Variants in RLF observed in about 807,000 individuals in gnomAD.
RLF encodes the protein RLF zinc finger, also known as zinc finger protein Rlf.
A neutral mutation model predicts 162.9 loss-of-function variants in RLF; 7 were observed. That is an observed-to-expected ratio of 0.04 (90% CI 0.02 to 0.08). RLF has a LOEUF of 0.08. Ranked by LOEUF, RLF falls within the 10% of genes least tolerant of loss-of-function variation. The probability of loss-of-function intolerance (pLI) is 1.00; values close to 1 mark genes in which losing one functional copy is unlikely to be tolerated. For synonymous variants in RLF, 782 were observed against 791.5 expected, an observed-to-expected ratio of 0.99 and a Z score of 0.20; for missense variants, 1,664 against 2,244.7, an observed-to-expected ratio of 0.74 and a Z score of 5.23.
At chr1:40,213,855 C>T (rs16827055) in intron 5 of RLF, among the ~76,000 whole-genome samples, 7,545 of 152,156 alleles carry the variant, frequency 0.05, 587 homozygotes, top group African/African-American at 0.17. Flanking sequence ...TGGCACTGGC[C>T]GGAATACTAG....
At chr1:40,196,420 G>GT (rs966332922) in intron 4 of RLF, among the ~76,000 whole-genome samples, 14 of 151,894 alleles carry the variant, frequency 9.2e-5, no homozygotes, top group East Asian at 7.7e-4. Context: ...CATGAAAAAA[G>GT]TTTTTTTTAT....
intron 5 of RLF, among the ~76,000 whole-genome samples, chr1:40,212,213 C>T (rs573769252): frequency 6.6e-5 from 10 of 152,214 alleles, no homozygotes; most frequent in East Asian, 1.9e-4. Flanking sequence ...AATGGGAAAC[C>T]GCTGCTGGGG....
intron 3 of RLF, among the ~76,000 whole-genome samples, 168 bp from the exon 4 acceptor site, chr1:40,195,463 AG>A (rs1458063158): frequency 6.6e-6 from 1 of 151,780 alleles, no homozygotes; most frequent in Non-Finnish European, 1.5e-5. Flanking sequence ...AAAAAAAAAA[AG>A]ACAGCAACAG....
At chr1:40,235,676 T>A in intron 7 of RLF, 116 bp from the exon 8 acceptor site, 1 of 682,790 alleles carries the variant, frequency 1.5e-6, no homozygotes, top group Non-Finnish European at 2.4e-6. Context: ...AAGAAAGATT[T>A]AAGATAAAAT....
chr1:40,197,884 A>T (rs550439241), intron 4 of RLF, among the ~76,000 whole-genome samples: 1 of 152,356 alleles, frequency 6.6e-6, no homozygotes, highest in South Asian at 2.1e-4. Context: ...CATATTTGAT[A>T]CCAAAAAGCA....
rs11811164 is a variant in RLF, at chr1:40,207,545, T to C, written c.810+4931T>C. On this transcript the variant is annotated intron_variant, in intron 5 of 7. Coordinates refer to ENST00000372771, the MANE Select transcript of RLF (RefSeq NM_012421.4). ...TGCTTGGGTCAATAGTTATTTCAAA[T>C]GGCTAAGACCCCCTGCTATGGCCCA... 4.9e-3 allele frequency among the ~76,000 whole-genome samples: 749 copies of C among 152,304 alleles called. 5 individuals are homozygous for C. The highest frequency in any genetic ancestry group is 0.017 in the African/African-American group (700 of 41,576).
intron 5 of RLF, among the ~76,000 whole-genome samples, chr1:40,211,068 G>A (rs552739482): frequency 2.8e-4 from 42 of 152,324 alleles, no homozygotes; most frequent in African/African-American, 9.9e-4. Context: ...TTTCTTGTCT[G>A]TGGCTGCTTT....
In RLF at chr1:40,221,952, G is replaced by T. The variant is rs139802660; in HGVS notation, c.811-622G>T. Among the ~76,000 whole-genome samples, 27 of 147,580 alleles carry T rather than the reference G, an allele frequency of 1.8e-4. No homozygotes were observed. In the East Asian group the frequency reaches 5.3e-3, roughly 29 times the overall value. On this transcript the variant is annotated intron_variant, in intron 5 of 7. Transcript: ENST00000372771. ...AAAGGAGCCCCAGAAAAATTTGATTGATTTGTCCAGAGGATTTTTATTTGT... is the reference window on the plus strand; with the variant it reads ...AAAGGAGCCCCAGAAAAATTTGATTTATTTGTCCAGAGGATTTTTATTTGT...
chr1:40,218,540 C>T (rs930467996), intron 5 of RLF, among the ~76,000 whole-genome samples: 1 of 152,116 alleles, frequency 6.6e-6, no homozygotes, highest in African/African-American at 2.4e-5. Flanking sequence ...TAACCTTTTC[C>T]CTCCTCACAT....
intron 1 of RLF, among the ~76,000 whole-genome samples, chr1:40,178,940 T>G (rs1384368473): frequency 6.6e-6 from 1 of 152,186 alleles, no homozygotes; most frequent in Non-Finnish European, 1.5e-5. Flanking sequence ...GTTCAAGTGA[T>G]TCTCCTGCCT....
At chr1:40,201,592 C>T (rs1410548367) in intron 4 of RLF, among the ~76,000 whole-genome samples, 2 of 141,894 alleles carry the variant, frequency 1.4e-5, no homozygotes, top group East Asian at 2.1e-4. Flanking sequence ...CGCCACGGCA[C>T]TCCAGCCTGG....
intron 3 of RLF, among the ~76,000 whole-genome samples, chr1:40,192,591 G>A (rs567256063): frequency 3.3e-5 from 5 of 152,030 alleles, no homozygotes; most frequent in Non-Finnish European, 7.4e-5. Context: ...TAAAATAGTT[G>A]CCTCTTTTTC....
Position 40,190,787 on chromosome 1 carries a change from A to G in RLF, c.408A>G (p.Leu136=). The change falls in exon 3 of 8, where the codon TTA becomes TTG. Residue 136 remains leucine (L), a synonymous_variant. Transcript: ENST00000372771. ...LGRLVLSCFE[L]LLSVSESELP... ...TTTATTGTAGGAGTTGTTTCGAATT[A>G]CTGCTTTCAGTGTCTGAAAGTGAAC... is the stretch of plus-strand genomic sequence containing the variant. The G allele has an allele frequency of 6.2e-7, 1 of 1,610,778 alleles. No homozygotes were observed. Among genetic ancestry groups the G allele is most frequent in the African/African-American group, 1.3e-5 (1 of 74,966 alleles).
At chr1:40,214,947 T>TAAAAAAAAAAAAA (rs1642906912) in intron 5 of RLF, among the ~76,000 whole-genome samples, 73 of 65,036 alleles carry the variant, frequency 1.1e-3, no homozygotes, top group East Asian at 1.7e-3. Context: ...AAAAAAAAAC[T>TAAAAAAAAAAAAA]AAAGTATGAG....
At chr1:40,178,236 G>A (rs1433319762) in intron 1 of RLF, among the ~76,000 whole-genome samples, 2 of 152,000 alleles carry the variant, frequency 1.3e-5, no homozygotes, top group Non-Finnish European at 2.9e-5. Flanking sequence ...CCATACATGT[G>A]TGTCTCATTC....
chr1:40,203,297 G>A lies in RLF; in HGVS notation c.810+683G>A, dbSNP rs377018958. The stretch of plus-strand genomic sequence containing the variant: ...GCCTGGCTACTTTTTGTACTTTTTA[G>A]TAGAGACGGGGTTTCACCATGTTGG... On this transcript the variant is annotated intron_variant, in intron 5 of 7. Transcript: ENST00000372771. 8.6e-5 allele frequency among the ~76,000 whole-genome samples: 13 copies of A among 151,768 alleles called. 1 individual carries two copies. The highest frequency in any genetic ancestry group is 3.9e-4 in the East Asian group (2 of 5,098).
chr1:40,190,900 A>C, intron 3 of RLF, 47 bp downstream of exon 3: 1 of 1,158,176 alleles, frequency 8.6e-7, no homozygotes, highest in Non-Finnish European at 1.3e-6. Flanking sequence ...CAAGACACCT[A>C]ATTAATTACT....
chr1:40,178,791 T>C (rs958189054), intron 1 of RLF, among the ~76,000 whole-genome samples: 2 of 152,014 alleles, frequency 1.3e-5, no homozygotes, highest in African/African-American at 4.8e-5. Flanking sequence ...CCCAAAGTGC[T>C]GGGATTACAG....
intron 6 of RLF, among the ~76,000 whole-genome samples, chr1:40,228,676 T>G (rs1161771257): frequency 6.6e-6 from 1 of 152,114 alleles, no homozygotes. Flanking sequence ...GGCTGGAGTA[T>G]AGTGGCAAAA....
Sources: allele counts gnomAD v4.1 joint callset (sites outside exome capture counted in the v4.1 genomes callset), GRCh38; gene constraint gnomAD v4.1.1; transcripts MANE v1.5; gene names NCBI Gene and HGNC (gene_info 2026-07-23, HGNC 2026-07-21).